KIF21B: variants seen among roughly 807,000 people sequenced by gnomAD.
The protein encoded by KIF21B is kinesin-like protein KIF21B.
A neutral mutation model predicts 192.9 loss-of-function variants in KIF21B; 85 were observed. The observed-to-expected ratio is 0.44, with a 90% CI of 0.37 to 0.53. KIF21B has a LOEUF of 0.53. Ranked by LOEUF, KIF21B falls within the 20% of genes least tolerant of loss-of-function variation. The probability of loss-of-function intolerance (pLI) is 0.00; values close to 1 mark genes in which losing one functional copy is unlikely to be tolerated. For missense variants in KIF21B, 1,716 were observed against 2,194.8 expected (o/e 0.78, Z 4.36); for synonymous variants, 832 against 884.6 (o/e 0.94, Z 1.05).
Position 201,000,251 on chromosome 1 carries a change from A to G in KIF21B, c.1685+139T>C, listed in dbSNP as rs1002190462. 2.2e-6 allele frequency: 2 copies of G among 914,164 alleles called. No individual in the cohort carries two copies. The highest frequency in any genetic ancestry group is 3.3e-6 in the Non-Finnish European group (2 of 599,842). 56.6% of individuals were successfully genotyped at this position (914,164 alleles called of 1,614,324 possible). A position where few individuals can be genotyped will look rare whatever the true frequency, so the allele number is the denominator to read the frequency against. On this transcript the variant is annotated intron_variant, in intron 11 of 34. Coordinates refer to ENST00000461742, the MANE Select transcript of KIF21B (RefSeq NM_001252102.2). This position sits in a 1 kb window ranked among gnomAD's most constrained non-coding sequence, Gnocchi z 6.0. ...AAATCTGCGCCATGAATTCCCAAGC[A>G]ATACTGAGGCAGCCCCTGGGGCTGG... is the stretch of plus-strand genomic sequence containing the variant.
rs756695960 is a variant in KIF21B, at chr1:200,990,559, G to A, written c.2835+17C>T. 1 of 1,611,826 alleles carries A rather than the reference G, an allele frequency of 6.2e-7. No individual in the cohort carries two copies. The highest frequency in any genetic ancestry group is 8.5e-7 in the Non-Finnish European group (1 of 1,178,666). ...GCAGAGGGGTGGAATGGAAGAGAAG[G>A]GGGAGGCAGGGCTCACCTTGATGAG... On this transcript the variant is annotated intron_variant, in intron 19 of 34. Transcript: ENST00000461742. The surrounding 1 kb of genome is among the most constrained non-coding windows in gnomAD (Gnocchi z 5.4).
In KIF21B at chr1:201,023,540, G is replaced by A. The variant is rs368211113; in HGVS notation, c.-157C>T. ...GAGGTGACATGCTCGCGGGCGGCAG[G>A]CCGAGGGGCTCACCCGCGGCCGGCC... is the stretch of plus-strand genomic sequence containing the variant. On this transcript the variant is annotated 5_prime_UTR_variant, in exon 1 of 35. Coordinates refer to ENST00000461742, the MANE Select transcript of KIF21B (RefSeq NM_001252102.2). This position sits in a 1 kb window ranked among gnomAD's most constrained non-coding sequence, Gnocchi z 5.9. 23 of 250,910 alleles carry A rather than the reference G, an allele frequency of 9.2e-5. 1 individual carries two copies. Among genetic ancestry groups the A allele is most frequent in the East Asian group, 6.7e-4 (6 of 8,968 alleles). The allele number at this position is 250,910 out of a possible 1,614,324, so 15.5% of individuals were successfully genotyped here.
At chr1:201,012,095 C>T (rs893267944) in intron 1 of KIF21B, among the ~76,000 whole-genome samples, 1 of 152,158 alleles carries the variant, frequency 6.6e-6, no homozygotes. Flanking sequence ...CCAGGAGTTG[C>T]GTGGTCAGTT....
In KIF21B at chr1:201,017,557, C is replaced by T. The variant is rs554468384; in HGVS notation, c.41+5786G>A. Among the ~76,000 whole-genome samples, 9 of 152,342 alleles carry T rather than the reference C, an allele frequency of 5.9e-5. No individual in the cohort carries two copies. Among genetic ancestry groups the T allele is most frequent in the African/African-American group, 1.4e-4 (6 of 41,574 alleles). ...CTTCGCCCAGAGCCCAGAGCTGTGA[C>T]GGTATTGGCATCTGCATCTGGTGGG... On this transcript the variant is annotated intron_variant, in intron 1 of 34. Transcript: ENST00000461742. The surrounding 1 kb of genome is among the most constrained non-coding windows in gnomAD (Gnocchi z 4.1).
In KIF21B at chr1:200,981,017, T is replaced by G; in HGVS notation, c.3922A>C (p.Thr1308Pro). Residue 1308 changes from threonine (T) to proline (P), a missense_variant, in exon 29 of 35, where the codon ACC (threonine) becomes CCC (proline). By Grantham distance (38) the Thr-to-Pro change is conservative. Coordinates refer to ENST00000461742, the MANE Select transcript of KIF21B (RefSeq NM_001252102.2). ...GCATCCAGGCAGAGGATGGGCTTGG[T>G]GTGGCCTTCGGCCATGGAGACACAC... ...LQCVSMAEGH[T>P]KPILCLDATD... 2 of 1,611,314 alleles carry G rather than the reference T, an allele frequency of 1.2e-6. No individual in the cohort carries two copies. The highest frequency in any genetic ancestry group is 1.7e-6 in the Non-Finnish European group (2 of 1,178,868).
chr1:201,015,752 C>T (rs1429843594), intron 1 of KIF21B, among the ~76,000 whole-genome samples: 1 of 152,196 alleles, frequency 6.6e-6, no homozygotes, highest in Non-Finnish European at 1.5e-5. Flanking sequence ...GGCACCAGCT[C>T]TTCCTCATCA....
At chr1:201,022,929 A>C (rs1658932593) in intron 1 of KIF21B, among the ~76,000 whole-genome samples, 3 of 152,248 alleles carry the variant, frequency 2.0e-5, no homozygotes, top group Non-Finnish European at 4.4e-5. Context: ...GACCAAGAGC[A>C]CATAACTAGC....
chr1:200,997,084 C>A (rs950192183), intron 14 of KIF21B, among the ~76,000 whole-genome samples: 1 of 152,212 alleles, frequency 6.6e-6, no homozygotes, highest in African/African-American at 2.4e-5. Flanking sequence ...ATCTTTAGAA[C>A]AGTTTCCTAA....
In KIF21B at chr1:200,990,873, C is replaced by T. The variant is rs1162024996; in HGVS notation, c.2687+44G>A. The T allele has an allele frequency of 6.2e-7, 1 of 1,609,478 alleles. No individual in the cohort carries two copies. Among genetic ancestry groups the T allele is most frequent in the African/African-American group, 1.3e-5 (1 of 74,960 alleles). The stretch of plus-strand genomic sequence containing the variant: ...ACCCTGGCCCTGCCCCATATTCCCA[C>T]CCCCTCTGCCTGCACAGGCCAGGGG... On this transcript the variant is annotated intron_variant, in intron 18 of 34. Coordinates refer to ENST00000461742, the MANE Select transcript of KIF21B (RefSeq NM_001252102.2). The surrounding 1 kb of genome is among the most constrained non-coding windows in gnomAD (Gnocchi z 5.4).
rs1655133123 is a variant in KIF21B, at chr1:200,969,866, G to C, written c.*3655C>G. 6.6e-6 allele frequency: 1 copy of C among 152,532 alleles called. No individual in the cohort carries two copies. Among genetic ancestry groups the C allele is most frequent in the African/African-American group, 2.4e-5 (1 of 41,476 alleles). 9.4% of individuals were successfully genotyped at this position (152,532 alleles called of 1,614,324 possible). A position where few individuals can be genotyped will look rare whatever the true frequency, so the allele number is the denominator to read the frequency against. On this transcript the variant is annotated 3_prime_UTR_variant, in exon 35 of 35. Coordinates refer to ENST00000461742, the MANE Select transcript of KIF21B (RefSeq NM_001252102.2). ...ACACAAGAGGGCAGGGAAGGATCTG[G>C]GAGTCAGGAGAGGAGGGCCAGGCCC... is the stretch of plus-strand genomic sequence containing the variant.
At chr1:201,014,583 G>A (rs968188559) in intron 1 of KIF21B, among the ~76,000 whole-genome samples, 12 of 152,202 alleles carry the variant, frequency 7.9e-5, no homozygotes, top group African/African-American at 1.9e-4. Context: ...GGCCCTAGCC[G>A]GGCCTCATCC....
chr1:201,004,535 C>A (rs1657689250), intron 6 of KIF21B, 80 bp from the exon 7 acceptor site: 3 of 1,267,458 alleles, frequency 2.4e-6, no homozygotes, highest in Non-Finnish European at 2.2e-6. Context: ...CCCAACCCAT[C>A]TGTACCTGCC....
rs1655274694 is a variant in KIF21B, at chr1:200,972,543, TGTG to T, written c.*975_*977del. On this transcript the variant is annotated 3_prime_UTR_variant, in exon 35 of 35. Transcript: ENST00000461742. ...AAGACCTCGCGAGTGAGAAGACACA[TGTG>T]GTGCCGCGGGCATGGCTGGTGTAAG... The T allele has an allele frequency of 6.6e-6, 1 of 152,376 alleles. No individual in the cohort carries two copies. Among genetic ancestry groups the T allele is most frequent in the Non-Finnish European group, 1.5e-5 (1 of 67,968 alleles). The allele number at this position is 152,376 out of a possible 1,614,324, so 9.4% of individuals were successfully genotyped here.
Position 200,990,820 on chromosome 1 carries a change from A to G in KIF21B, c.2687+97T>C. The stretch of plus-strand genomic sequence containing the variant: ...GGAGCTGACAGCCACGGGGACCCGG[A>G]GCACTCCCCAGAGCTTCCCTCTTCC... On this transcript the variant is annotated intron_variant, in intron 18 of 34. Coordinates refer to ENST00000461742, the MANE Select transcript of KIF21B (RefSeq NM_001252102.2). The surrounding 1 kb of genome is among the most constrained non-coding windows in gnomAD (Gnocchi z 5.4). 4 of 1,591,544 alleles carry G rather than the reference A, an allele frequency of 2.5e-6. No individual in the cohort carries two copies. Among genetic ancestry groups the G allele is most frequent in the Admixed American group, 1.7e-5 (1 of 59,332 alleles).
At position 201,000,965 on chromosome 1, in the gene KIF21B, G is replaced by A. The variant is rs545273638; in HGVS notation, c.1403-185C>T. Among the ~76,000 whole-genome samples, 3 of 152,158 alleles carry A rather than the reference G, an allele frequency of 2.0e-5. No individual in the cohort carries two copies. Among genetic ancestry groups the A allele is most frequent in the Admixed American group, 6.5e-5 (1 of 15,280 alleles). ...TCTACTAAAAATACAAAATTAGCCG[G>A]GCGTGGTGGCGCATGCCTCTAATCC... On this transcript the variant is annotated intron_variant, in intron 9 of 34. Transcript: ENST00000461742. The surrounding 1 kb of genome is among the most constrained non-coding windows in gnomAD (Gnocchi z 6.0).
intron 1 of KIF21B, among the ~76,000 whole-genome samples, chr1:201,012,991 C>G (rs888495668): frequency 6.6e-6 from 1 of 152,212 alleles, no homozygotes; most frequent in Non-Finnish European, 1.5e-5. Context: ...CACACCACCT[C>G]CATCAGAGCC....
In KIF21B at chr1:200,990,347, G is replaced by A. The variant is rs1396465613; in HGVS notation, c.2836-15C>T. 1.9e-6 allele frequency: 3 copies of A among 1,591,654 alleles called. No homozygotes were observed. The African/African-American group carries it at 4.0e-5, about 21-fold the overall frequency. Reference sequence around the variant, plus strand: ...TCCTCCCTTTTCTGGGGTCAGAGGGGAGGGTGGTGATTGTGATGAAGGAGA... The same window carrying A: ...TCCTCCCTTTTCTGGGGTCAGAGGGAAGGGTGGTGATTGTGATGAAGGAGA... On this transcript the variant is annotated splice_polypyrimidine_tract_variant and intron_variant, in intron 19 of 34. Transcript: ENST00000461742. This position sits in a 1 kb window ranked among gnomAD's most constrained non-coding sequence, Gnocchi z 5.4.
intron 1 of KIF21B, among the ~76,000 whole-genome samples, chr1:201,021,120 G>A (rs535150469): frequency 4.6e-5 from 7 of 152,272 alleles, no homozygotes; most frequent in African/African-American, 7.2e-5. Flanking sequence ...GGGGTGCTGC[G>A]GGGGAGGATG....
rs778724409 is a variant in KIF21B, at chr1:201,005,568, G to A, written c.574C>T (p.Arg192Cys). The change falls in exon 4 of 35, where the codon CGC becomes TGC. Residue 192 changes from arginine to cysteine, a missense_variant. By Grantham distance (180) the Arg-to-Cys change is radical (BLOSUM62 -3). Transcript: ENST00000461742. Reference sequence around the variant, plus strand: ...ACCTCCTCCTGGGAGTGGATGAGGCGAGAAGTGACGCCAGTGGTGTAGATG... The same window carrying A: ...ACCTCCTCCTGGGAGTGGATGAGGCAAGAAGTGACGCCAGTGGTGTAGATG... The part of the protein sequence containing the change: ...GGIYTTGVTS[R>C]LIHSQEELIQ... The A allele has an allele frequency of 7.4e-6, 12 of 1,614,098 alleles. No homozygotes were observed. The Admixed American group carries it at 1.0e-4, about 13-fold the overall frequency.
Sources: allele counts gnomAD v4.1 joint callset (sites outside exome capture counted in the v4.1 genomes callset), GRCh38; gene constraint gnomAD v4.1.1; non-coding constraint Gnocchi (gnomAD v3.1); transcripts MANE v1.5; gene names NCBI Gene and HGNC (gene_info 2026-07-23, HGNC 2026-07-21).